The following CNTNAP5 variants were observed in gnomAD, a reference collection of about 807,000 sequenced individuals.
The protein encoded by CNTNAP5 is contactin associated protein family member 5.
Under a neutral mutation model 150.2 loss-of-function variants are expected in CNTNAP5, and 72 were observed. The ratio of observed to expected loss-of-function variants is 0.48; its 90% confidence interval spans 0.40 to 0.58. The LOEUF is 0.58. CNTNAP5 is among the 20% of genes least tolerant of loss of function. CNTNAP5 has a pLI of 0.00. For synonymous variants in CNTNAP5, 672 were observed against 619.8 expected (o/e 1.08, Z -1.25); for missense variants, 1,636 against 1,626.2 (o/e 1.01, Z -0.10).
chr2:124,209,012 A>G (rs1311133503), intron 1 of CNTNAP5, among the ~76,000 whole-genome samples: 8 of 152,128 alleles, frequency 5.3e-5, no homozygotes, highest in Middle Eastern at 3.2e-3. Flanking sequence ...GGAATACTAT[A>G]TCACAGAGAA....
At chr2:124,314,819 A>G (rs1433944435) in intron 3 of CNTNAP5, among the ~76,000 whole-genome samples, 1 of 152,036 alleles carries the variant, frequency 6.6e-6, no homozygotes, top group Non-Finnish European at 1.5e-5. Context: ...TTGACAGCTT[A>G]TTTTATATTA....
In CNTNAP5 at chr2:124,916,459, C is replaced by T. The variant is rs987286864; in HGVS notation, c.*2171C>T. Among the ~76,000 whole-genome samples, 5 of 151,956 alleles carry T rather than the reference C, an allele frequency of 3.3e-5. No homozygotes were observed. The highest frequency in any genetic ancestry group is 1.2e-4 in the African/African-American group (5 of 41,384). Reference sequence around the variant, plus strand: ...CCTTTGTCCCCTGAAATAAAAGTCACCATGAAGTGTAGTAGGTTTAGCCTG... The same window carrying T: ...CCTTTGTCCCCTGAAATAAAAGTCATCATGAAGTGTAGTAGGTTTAGCCTG... On this transcript the variant is annotated 3_prime_UTR_variant, in exon 24 of 24. Transcript: ENST00000682447.
chr2:124,750,639 T>C (rs950248889), intron 14 of CNTNAP5, among the ~76,000 whole-genome samples: 2 of 151,776 alleles, frequency 1.3e-5, no homozygotes, highest in Non-Finnish European at 2.9e-5. Context: ...GGAAAGAAAA[T>C]GCTATTTAGT....
intron 1 of CNTNAP5, among the ~76,000 whole-genome samples, chr2:124,193,236 C>T (rs1685500662): frequency 1.3e-5 from 2 of 152,184 alleles, no homozygotes; most frequent in Admixed American, 1.3e-4. Flanking sequence ...CAAACAAGGT[C>T]ACATTTACAG....
chr2:124,267,335 T>C (rs1186975484), intron 3 of CNTNAP5, among the ~76,000 whole-genome samples: 1 of 152,202 alleles, frequency 6.6e-6, no homozygotes, highest in African/African-American at 2.4e-5. Context: ...ATTCAAATCC[T>C]CACCTTTGGG....
At chr2:124,040,016 CT>C (rs1245626016) in intron 1 of CNTNAP5, among the ~76,000 whole-genome samples, 5 of 151,988 alleles carry the variant, frequency 3.3e-5, no homozygotes, top group African/African-American at 1.2e-4. Context: ...TAGGTGTCAC[CT>C]TTGTGAATAT....
intron 13 of CNTNAP5, among the ~76,000 whole-genome samples, chr2:124,738,413 T>G (rs1194278426): frequency 2.0e-5 from 3 of 152,162 alleles, no homozygotes; most frequent in African/African-American, 7.2e-5. Flanking sequence ...CTCGTGTTAT[T>G]TCATGATGTT....
At chr2:124,250,596 C>T (rs1386990194) in intron 3 of CNTNAP5, among the ~76,000 whole-genome samples, 4 of 151,940 alleles carry the variant, frequency 2.6e-5, no homozygotes, top group African/African-American at 9.7e-5. Flanking sequence ...AGACAGTTTA[C>T]CCAAGCAGGC....
rs865833078 is a variant in CNTNAP5 at position 124,554,076 on chromosome 2, C to G, written c.1650-9141C>G. Among the ~76,000 whole-genome samples the G allele has an allele frequency of 4.6e-5, 7 of 152,118 alleles. No individual in the cohort carries two copies. The South Asian group carries it at 1.5e-3, about 32-fold the overall frequency. ...TCGAATTTCTTAAAATTTTAAAATCCTTGTTCTTTAAGTTTTTTTTTCTTT... is the reference window on the plus strand; with the variant it reads ...TCGAATTTCTTAAAATTTTAAAATCGTTGTTCTTTAAGTTTTTTTTTCTTT... On this transcript the variant is annotated intron_variant, in intron 10 of 23. Transcript: ENST00000682447.
intron 13 of CNTNAP5, among the ~76,000 whole-genome samples, chr2:124,733,415 G>A (rs1307060583): frequency 3.3e-5 from 5 of 151,938 alleles, no homozygotes; most frequent in Non-Finnish European, 5.9e-5. Context: ...ATGGGAAAAA[G>A]CATTTAAAAA....
intron 1 of CNTNAP5, among the ~76,000 whole-genome samples, chr2:124,207,036 G>A (rs1685883233): frequency 6.6e-6 from 1 of 152,080 alleles, no homozygotes; most frequent in Admixed American, 6.5e-5. Flanking sequence ...TCAAATGGTA[G>A]CCATTCACAT....
chr2:124,885,081 C>A (rs901890983), intron 21 of CNTNAP5, among the ~76,000 whole-genome samples: 1 of 151,888 alleles, frequency 6.6e-6, no homozygotes, highest in African/African-American at 2.4e-5. Context: ...TTGGTTCATG[C>A]AGTTATGGAG....
At chr2:124,763,032 A>T (rs1680991301) in intron 14 of CNTNAP5, among the ~76,000 whole-genome samples, 1 of 152,150 alleles carries the variant, frequency 6.6e-6, no homozygotes, top group African/African-American at 2.4e-5. Flanking sequence ...ACAAAAGGGG[A>T]AAATATCCAA....
At chr2:124,236,859 G>A (rs539992999) in intron 2 of CNTNAP5, among the ~76,000 whole-genome samples, 83 of 152,286 alleles carry the variant, frequency 5.5e-4, no homozygotes, top group African/African-American at 1.8e-3. Flanking sequence ...AGGCATGGTG[G>A]CTCATGCCTA....
chr2:124,124,573 A>G (rs928846466), intron 1 of CNTNAP5, among the ~76,000 whole-genome samples: 1 of 152,300 alleles, frequency 6.6e-6, no homozygotes, highest in East Asian at 1.9e-4. Flanking sequence ...TGCCACAGAG[A>G]TACTCCTCAA....
chr2:124,561,767 C>A, intron 10 of CNTNAP5, among the ~76,000 whole-genome samples: 1 of 152,146 alleles, frequency 6.6e-6, no homozygotes, highest in Non-Finnish European at 1.5e-5. Context: ...TTGAAACAAT[C>A]ATTGCTGGAG....
intron 11 of CNTNAP5, among the ~76,000 whole-genome samples, chr2:124,589,529 TATACCTGC>T (rs2104958439): frequency 6.6e-6 from 1 of 152,314 alleles, no homozygotes; most frequent in Non-Finnish European, 1.5e-5. Context: ...CTCTTAAATA[TATACCTGC>T]AAGTGAGATT....
intron 10 of CNTNAP5, among the ~76,000 whole-genome samples, chr2:124,546,631 G>A (rs903988624): frequency 6.6e-6 from 1 of 152,152 alleles, no homozygotes. Flanking sequence ...AGACAATGTG[G>A]CTTCAAAAGC....
chr2:124,257,325 G>A (rs1269256493), intron 3 of CNTNAP5, among the ~76,000 whole-genome samples: 1 of 152,212 alleles, frequency 6.6e-6, no homozygotes, highest in Non-Finnish European at 1.5e-5. Flanking sequence ...CTGCTAGGGT[G>A]TGGCCACCAT....
Sources: gnomAD v4.1 joint callset for allele counts (sites outside exome capture counted in the v4.1 genomes callset) on GRCh38, gnomAD v4.1.1 for gene constraint, MANE v1.5 for transcripts, NCBI Gene and HGNC (gene_info 2026-07-23, HGNC 2026-07-21) for gene names.